Variants in SATB1 observed in about 807,000 individuals in gnomAD.
SATB1 encodes SATB homeobox 1, also known as DNA-binding protein SATB1.
A neutral mutation model predicts 86.9 loss-of-function variants in SATB1; 11 were observed. The ratio of observed to expected loss-of-function variants is 0.13; its 90% CI spans 0.08 to 0.21. The LOEUF (loss-of-function observed/expected upper bound fraction) is 0.21, where lower values mean the gene tolerates loss of function less well. Ranked by LOEUF, SATB1 falls within the 10% of genes least tolerant of loss-of-function variation. SATB1 has a pLI of 1.00. For synonymous variants in SATB1, 357 were observed against 357.2 expected (o/e 1.00, Z 0.01); for missense variants, 551 against 937.6 (o/e 0.59, Z 5.39).
intron 4 of SATB1, 60 bp from the exon 5 acceptor site, chr3:18,415,294 T>A (rs1222110946): frequency 6.3e-7 from 1 of 1,595,414 alleles, no homozygotes; most frequent in Non-Finnish European, 8.6e-7. Flanking sequence ...CTGCAGAACA[T>A]TCCTTTAAGA....
At chr3:18,436,762 C>T (rs1427886103) in intron 2 of SATB1, 2 of 152,130 alleles carry the variant, frequency 1.3e-5, no homozygotes, top group Non-Finnish European at 2.9e-5. Flanking sequence ...TTATTACTTA[C>T]TTACTTTTTT....
At chr3:18,354,544 A>AT (rs1016419177) in intron 9 of SATB1, among the ~76,000 whole-genome samples, 8 of 151,790 alleles carry the variant, frequency 5.3e-5, no homozygotes, top group East Asian at 3.9e-4. Context: ...GCATCCAAGA[A>AT]TTTTTTTTTA....
At chr3:18,364,124 T>C (rs1427893326) in intron 9 of SATB1, among the ~76,000 whole-genome samples, 2 of 152,158 alleles carry the variant, frequency 1.3e-5, no homozygotes, top group Non-Finnish European at 1.5e-5. Flanking sequence ...TGTGATAAAA[T>C]ACATATATAT....
intron 9 of SATB1, among the ~76,000 whole-genome samples, chr3:18,369,310 C>T (rs1695341645): frequency 6.6e-6 from 1 of 151,684 alleles, no homozygotes; most frequent in South Asian, 2.1e-4. Context: ...GCACCCTACC[C>T]ACCCCCCTCC....
At chr3:18,400,106 C>A (rs759371606) in intron 5 of SATB1, among the ~76,000 whole-genome samples, 2 of 151,868 alleles carry the variant, frequency 1.3e-5, no homozygotes, top group Non-Finnish European at 2.9e-5. Flanking sequence ...GAAAAAAACA[C>A]GTAATGTTTT....
upstream of SATB1, chr3:18,438,872 T>C (rs1357051387): frequency 1.3e-5 from 2 of 152,420 alleles, no homozygotes; most frequent in Non-Finnish European, 2.9e-5. Context: ...TCCACATAGG[T>C]ACTAGTAAAG....
chr3:18,432,554 C>T (rs570398080), intron 2 of SATB1, among the ~76,000 whole-genome samples: 10 of 152,242 alleles, frequency 6.6e-5, no homozygotes, highest in African/African-American at 2.2e-4. Flanking sequence ...AAGCCACCAT[C>T]AGAAACAAAT....
At chr3:18,430,173 A>G (rs965576593), upstream of SATB1, among the ~76,000 whole-genome samples, 5 of 152,192 alleles carry the variant, frequency 3.3e-5, no homozygotes, top group Admixed American at 6.5e-5. Flanking sequence ...CTCACTGCAG[A>G]AAGTTCCATT....
intron 8 of SATB1, among the ~76,000 whole-genome samples, chr3:18,380,433 GTTAA>G (rs1203934165): frequency 6.7e-6 from 1 of 149,548 alleles, no homozygotes; most frequent in Non-Finnish European, 1.5e-5. Context: ...AACTTCTTTG[GTTAA>G]TTTTTTTTTT....
At chr3:18,432,172 CA>C (rs1698909555) in intron 2 of SATB1, among the ~76,000 whole-genome samples, 1 of 152,122 alleles carries the variant, frequency 6.6e-6, no homozygotes, top group Non-Finnish European at 1.5e-5. Context: ...TGAACAGAAC[CA>C]AAGTATTTAG....
intron 9 of SATB1, among the ~76,000 whole-genome samples, chr3:18,361,947 A>C (rs1440532061): frequency 6.6e-6 from 1 of 152,174 alleles, no homozygotes; most frequent in African/African-American, 2.4e-5. Flanking sequence ...CTAGGTGATT[A>C]AATTTATGGA....
intron 9 of SATB1, among the ~76,000 whole-genome samples, chr3:18,367,484 G>T (rs1695243222): frequency 6.6e-6 from 1 of 152,160 alleles, no homozygotes; most frequent in Admixed American, 6.5e-5. Context: ...TTCAGTTGGG[G>T]CAAGATAAAG....
intron 8 of SATB1, among the ~76,000 whole-genome samples, chr3:18,385,352 G>T (rs1465558355): frequency 3.3e-5 from 5 of 152,188 alleles, no homozygotes; most frequent in Non-Finnish European, 1.5e-5. Context: ...GCCGGGCGCG[G>T]TGGCTCAGGC....
At chr3:18,437,146 T>C (rs190225275) in intron 1 of SATB1, among the ~76,000 whole-genome samples, 130 of 152,314 alleles carry the variant, frequency 8.5e-4, no homozygotes, top group African/African-American at 2.9e-3. Context: ...ACTAAAATTA[T>C]TCCACAAAAA....
chr3:18,351,266 C>G lies in SATB1; in HGVS notation c.1779+726G>C, dbSNP rs1252376553. 2.0e-6 allele frequency: 3 copies of G among 1,469,174 alleles called. No individual in the cohort carries two copies. In the Admixed American group the frequency reaches 5.9e-5, roughly 29 times the overall value. The allele number at this position is 1,469,174 out of a possible 1,614,324, so 91.0% of individuals were successfully genotyped here. On this transcript the variant is annotated intron_variant, in intron 10 of 10. Coordinates refer to ENST00000338745, the MANE Select transcript of SATB1 (RefSeq NM_002971.6). Reference sequence around the variant, plus strand: ...ACCTGGGGAGCAGGTCTTTAGGTCACCCCCTCTCTGTGTCCCTTGGTGGCA... The same window carrying G: ...ACCTGGGGAGCAGGTCTTTAGGTCAGCCCCTCTCTGTGTCCCTTGGTGGCA...
chr3:18,416,552 A>T (rs1269688223), intron 3 of SATB1, among the ~76,000 whole-genome samples: 1 of 152,078 alleles, frequency 6.6e-6, no homozygotes, highest in Non-Finnish European at 1.5e-5. Flanking sequence ...AAAGAAACAG[A>T]ACTAGATATT....
chr3:18,404,304 G>T (rs1697413534), intron 5 of SATB1, among the ~76,000 whole-genome samples: 1 of 151,938 alleles, frequency 6.6e-6, no homozygotes, highest in African/African-American at 2.4e-5. Context: ...TGCTTTCTAA[G>T]CTATTCTCTT....
At position 18,386,634 on chromosome 3, in the gene SATB1, G is replaced by C; in HGVS notation, c.1207-23C>G. 6.3e-7 allele frequency: 1 copy of C among 1,596,724 alleles called. No homozygotes were observed. The highest frequency in any genetic ancestry group is 8.6e-7 in the Non-Finnish European group (1 of 1,164,716). ...GCCCTGCAAGAAATGAAAGGCACAGGGTGAGCCTGCTGCCTTGCTTTGCCT... is the reference window on the plus strand; with the variant it reads ...GCCCTGCAAGAAATGAAAGGCACAGCGTGAGCCTGCTGCCTTGCTTTGCCT... On this transcript the variant is annotated intron_variant, in intron 7 of 10. Coordinates refer to ENST00000338745, the MANE Select transcript of SATB1 (RefSeq NM_002971.6). The surrounding 1 kb of genome is among the most constrained non-coding windows in gnomAD (Gnocchi z 4.5).
At chr3:18,406,842 A>G (rs751085250) in intron 5 of SATB1, among the ~76,000 whole-genome samples, 1 of 152,092 alleles carries the variant, frequency 6.6e-6, no homozygotes, top group Non-Finnish European at 1.5e-5. Context: ...ATAAAAGTAT[A>G]AAGTACTACT....
Sources: gnomAD v4.1 joint callset for allele counts (sites outside exome capture counted in the v4.1 genomes callset) on GRCh38, gnomAD v4.1.1 for gene constraint, Gnocchi (gnomAD v3.1) non-coding constraint, MANE v1.5 for transcripts, NCBI Gene and HGNC (gene_info 2026-07-23, HGNC 2026-07-21) for gene names.